Variants in VAV3 observed in about 807,000 individuals in gnomAD.
The protein encoded by VAV3 is guanine nucleotide exchange factor VAV3.
A neutral mutation model predicts 131.2 loss-of-function variants in VAV3; 94 were observed. The observed-to-expected ratio is 0.72, with a 90% CI of 0.61 to 0.85. The LOEUF is 0.85. Ranked by LOEUF, VAV3 falls within the 40% of genes least tolerant of loss-of-function variation. VAV3 has a pLI of 0.00. For synonymous variants in VAV3, 349 were observed against 342.0 expected, an observed-to-expected ratio of 1.02 and a Z score of -0.22; for missense variants, 939 against 1,002.7, an observed-to-expected ratio of 0.94 and a Z score of 0.86.
chr1:107,895,016 G>A (rs932369147), intron 1 of VAV3, among the ~76,000 whole-genome samples: 3 of 152,138 alleles, frequency 2.0e-5, no homozygotes, highest in Non-Finnish European at 4.4e-5. Context: ...AGCCTCCCAT[G>A]AAGTCTGTTG....
chr1:107,919,054 AC>A (rs1452580033), intron 1 of VAV3, among the ~76,000 whole-genome samples: 2 of 152,144 alleles, frequency 1.3e-5, no homozygotes, highest in African/African-American at 4.8e-5. Context: ...TGTTTTATTT[AC>A]CATTCATAAA....
chr1:107,779,529 T>C lies in VAV3; in HGVS notation c.322-37A>G, dbSNP rs551801960. 5 of 1,505,612 alleles carry C rather than the reference T, an allele frequency of 3.3e-6. No homozygotes were observed. The Middle Eastern group carries it at 5.3e-4, about 158-fold the overall frequency. 93.3% of individuals were successfully genotyped at this position (1,505,612 alleles called of 1,614,324 possible). A position where few individuals can be genotyped will look rare whatever the true frequency, so the allele number is the denominator to read the frequency against. On this transcript the variant is annotated intron_variant, in intron 2 of 26. Transcript: ENST00000370056. ...GGAAAATACTAATTAGATATGTAGTTCAGAAAATATAAGATTTCTTTTTCC... is the reference window on the plus strand; with the variant it reads ...GGAAAATACTAATTAGATATGTAGTCCAGAAAATATAAGATTTCTTTTTCC...
chr1:107,746,519 G>A (rs912661629), intron 15 of VAV3, among the ~76,000 whole-genome samples: 1 of 152,110 alleles, frequency 6.6e-6, no homozygotes, highest in Admixed American at 6.5e-5. Flanking sequence ...ATTTAAATCC[G>A]TACATACCCC....
chr1:107,779,956 A>T (rs2102227845), intron 2 of VAV3, among the ~76,000 whole-genome samples: 1 of 152,326 alleles, frequency 6.6e-6, no homozygotes, highest in Admixed American at 6.5e-5. Context: ...AGCCACACAC[A>T]TGTGGCCACT....
intron 21 of VAV3, among the ~76,000 whole-genome samples, chr1:107,613,858 ATTTTTAT>A: frequency 6.6e-6 from 1 of 151,918 alleles, no homozygotes; most frequent in Non-Finnish European, 1.5e-5. Context: ...AATTTTTTTA[ATTTTTAT>A]TTTTTATTTG....
intron 19 of VAV3, among the ~76,000 whole-genome samples, chr1:107,649,766 C>T (rs1408504930): frequency 2.0e-5 from 3 of 152,052 alleles, no homozygotes; most frequent in Non-Finnish European, 4.4e-5. Flanking sequence ...TGGGTTCATT[C>T]ACTTATTCAG....
At chr1:107,911,284 G>A (rs1672356871) in intron 1 of VAV3, among the ~76,000 whole-genome samples, 1 of 152,148 alleles carries the variant, frequency 6.6e-6, no homozygotes, top group Non-Finnish European at 1.5e-5. Flanking sequence ...TCTGTGTATT[G>A]TATTCCTTTG....
intron 1 of VAV3, among the ~76,000 whole-genome samples, chr1:107,964,157 C>G (rs542865412): frequency 6.6e-6 from 1 of 152,294 alleles, no homozygotes; most frequent in African/African-American, 2.4e-5. Context: ...TCCCTTTGAC[C>G]AATGTCACTC....
chr1:107,913,189 T>C (rs1672451462), intron 1 of VAV3, among the ~76,000 whole-genome samples: 1 of 152,230 alleles, frequency 6.6e-6, no homozygotes, highest in Non-Finnish European at 1.5e-5. Flanking sequence ...AATCATATTT[T>C]AAATGGTTCT....
intron 2 of VAV3, among the ~76,000 whole-genome samples, chr1:107,833,611 T>C (rs1309144129): frequency 6.6e-6 from 1 of 152,202 alleles, no homozygotes; most frequent in African/African-American, 2.4e-5. Context: ...ACATTCTAGG[T>C]TTATCTTTTC....
At chr1:107,873,007 TC>T (rs1670321906) in intron 2 of VAV3, among the ~76,000 whole-genome samples, 1 of 152,214 alleles carries the variant, frequency 6.6e-6, no homozygotes, top group Admixed American at 6.6e-5. Flanking sequence ...TTTCTTTAGA[TC>T]ATACAGTTCT....
rs571264396 is a variant in VAV3 at position 107,870,482 on chromosome 1, CTGTT to C, written c.321+4415_321+4418del. ...GTCCTTAGCCCACTTTTTGATGGGA[CTGTT>C]TGTTTTATTTTTCTTGCTAATTTGA... is the stretch of plus-strand genomic sequence containing the variant. On this transcript the variant is annotated intron_variant, in intron 2 of 26. Coordinates refer to ENST00000370056, the MANE Select transcript of VAV3 (RefSeq NM_006113.5). 4.0e-3 allele frequency among the ~76,000 whole-genome samples: 606 copies of C among 151,898 alleles called. 4 individuals carry two copies. Among genetic ancestry groups the C allele is most frequent in the African/African-American group, 0.014 (568 of 41,476 alleles).
intron 22 of VAV3, chr1:107,609,289 C>T (rs975480085): frequency 4.3e-4 from 66 of 152,168 alleles, no homozygotes; most frequent in African/African-American, 1.5e-3. Flanking sequence ...ATCCATTACA[C>T]TTCCTAGGTT....
intron 1 of VAV3, among the ~76,000 whole-genome samples, chr1:107,883,823 C>T (rs1360063079): frequency 6.6e-6 from 1 of 152,168 alleles, no homozygotes; most frequent in Admixed American, 6.5e-5. Flanking sequence ...ACCCCTCTCC[C>T]TTGGCAGAAA....
chr1:107,757,143 ATG>A, intron 11 of VAV3, 116 bp downstream of exon 11: 2 of 614,382 alleles, frequency 3.3e-6, no homozygotes, highest in Admixed American at 4.0e-5. Flanking sequence ...GTGTATATAT[ATG>A]TGTGTATATG....
At chr1:107,863,426 T>C in intron 2 of VAV3, among the ~76,000 whole-genome samples, 1 of 151,822 alleles carries the variant, frequency 6.6e-6, no homozygotes, top group African/African-American at 2.4e-5. Flanking sequence ...GGTCATCTCC[T>C]GTCTATGGTC....
At chr1:107,691,601 G>A (rs1659429178) in intron 17 of VAV3, among the ~76,000 whole-genome samples, 1 of 152,142 alleles carries the variant, frequency 6.6e-6, no homozygotes, top group South Asian at 2.1e-4. Flanking sequence ...AATTCTTCAA[G>A]TTTCCAAAAG....
chr1:107,738,976 A>C (rs1054998355), intron 15 of VAV3, among the ~76,000 whole-genome samples: 8 of 152,308 alleles, frequency 5.3e-5, no homozygotes, highest in Middle Eastern at 3.4e-3. Flanking sequence ...AAAAAGAAAA[A>C]AACAACAACA....
At position 107,574,039 on chromosome 1, in the gene VAV3, C is replaced by A; in HGVS notation, c.2502+8G>T. The A allele has an allele frequency of 6.2e-7, 1 of 1,613,472 alleles. No homozygotes were observed. The highest frequency in any genetic ancestry group is 8.5e-7 in the Non-Finnish European group (1 of 1,179,692). ...ACATGCACCAGCACATCGAGAGGGC[C>A]AACTTACCCTGCCATTTACTTCTCC... On this transcript the variant is annotated splice_region_variant and intron_variant, in intron 26 of 26. Coordinates refer to ENST00000370056, the MANE Select transcript of VAV3 (RefSeq NM_006113.5).
Sources: allele counts gnomAD v4.1 joint callset (sites outside exome capture counted in the v4.1 genomes callset), GRCh38; gene constraint gnomAD v4.1.1; transcripts MANE v1.5; gene names NCBI Gene and HGNC (gene_info 2026-07-23, HGNC 2026-07-21).